The following SLCO2A1 variants were observed in gnomAD, a reference collection of about 807,000 sequenced individuals.
The protein encoded by SLCO2A1 is solute carrier organic anion transporter family member 2A1, also known as matrin F/G 1.
Under a neutral mutation model 71.7 loss-of-function variants are expected in SLCO2A1, and 60 were observed. The ratio of observed to expected loss-of-function variants is 0.84; its 90% confidence interval spans 0.68 to 1.04. The LOEUF (loss-of-function observed/expected upper bound fraction) is 1.04, where lower values mean the gene tolerates loss of function less well. Ranked by LOEUF, SLCO2A1 falls within the 50% of genes least tolerant of loss-of-function variation. The probability of loss-of-function intolerance (pLI) is 0.00; values close to 1 mark genes in which losing one functional copy is unlikely to be tolerated. For missense variants in SLCO2A1, 745 were observed against 813.4 expected (o/e 0.92, Z 1.02); for synonymous variants, 308 against 326.7 (o/e 0.94, Z 0.62).
intron 6 of SLCO2A1, chr3:133,950,919 C>A: frequency 4.9e-6 from 2 of 408,040 alleles, no homozygotes; most frequent in South Asian, 4.5e-5. Flanking sequence ...GCTCTTAATT[C>A]TTTAGCTCAA....
At chr3:134,023,078 C>T (rs1935622757) in intron 1 of SLCO2A1, among the ~76,000 whole-genome samples, 1 of 152,086 alleles carries the variant, frequency 6.6e-6, no homozygotes, top group South Asian at 2.1e-4. Flanking sequence ...TGGGAAGGAC[C>T]CTACCTTGTG....
chr3:133,938,602 T>C, intron 11 of SLCO2A1, 109 bp from the exon 12 acceptor site: 1 of 964,172 alleles, frequency 1.0e-6, no homozygotes. Context: ...TGATGTGGCC[T>C]GACGAGCCCT....
rs1174905765 is a variant in SLCO2A1, at chr3:133,950,277, C to T, written c.861+931G>A. On this transcript the variant is annotated intron_variant, in intron 6 of 13. Coordinates refer to ENST00000310926, the MANE Select transcript of SLCO2A1 (RefSeq NM_005630.3). ...AAGCTGAGGTCCTCCCACCCCTGCC[C>T]CTCTCCCCCCGGCTGGGCCTAGATT... Among the ~76,000 whole-genome samples the T allele has an allele frequency of 5.9e-5, 9 of 152,274 alleles. No individual in the cohort carries two copies. In the East Asian group the frequency reaches 1.5e-3, roughly 26 times the overall value.
At chr3:134,019,695 C>T (rs1935528982) in intron 1 of SLCO2A1, among the ~76,000 whole-genome samples, 1 of 152,116 alleles carries the variant, frequency 6.6e-6, no homozygotes, top group African/African-American at 2.4e-5. Flanking sequence ...TGCATCATCC[C>T]ATTAGCAGGT....
intron 3 of SLCO2A1, among the ~76,000 whole-genome samples, chr3:133,959,169 A>G (rs1214350626): frequency 2.0e-5 from 3 of 152,164 alleles, no homozygotes; most frequent in African/African-American, 7.2e-5. Context: ...ACCTGGACCC[A>G]GTTACATTCA....
chr3:133,952,812 A>C (rs1376635847), intron 5 of SLCO2A1, among the ~76,000 whole-genome samples: 2 of 152,228 alleles, frequency 1.3e-5, no homozygotes, highest in East Asian at 3.8e-4. Context: ...AGGCACAGAA[A>C]GACAAAGTTA....
chr3:133,945,484 C>A (rs1468990686), intron 9 of SLCO2A1, among the ~76,000 whole-genome samples: 1 of 152,144 alleles, frequency 6.6e-6, no homozygotes, highest in Non-Finnish European at 1.5e-5. Flanking sequence ...CCACTGGGAG[C>A]CCAAATCCAC....
intron 11 of SLCO2A1, 132 bp from the exon 12 acceptor site, chr3:133,938,625 T>C (rs1449800290): frequency 3.9e-6 from 3 of 768,764 alleles, no homozygotes; most frequent in Non-Finnish European, 6.9e-6. Flanking sequence ...GGTGACCGGG[T>C]TCACCTGGGC....
At chr3:133,988,799 G>A (rs1284715578) in intron 1 of SLCO2A1, among the ~76,000 whole-genome samples, 2 of 152,182 alleles carry the variant, frequency 1.3e-5, no homozygotes, top group Non-Finnish European at 2.9e-5. Flanking sequence ...TCTAGGCCGA[G>A]CTGACTGCAT....
At chr3:134,003,862 G>T (rs1161462919) in intron 1 of SLCO2A1, among the ~76,000 whole-genome samples, 1 of 152,160 alleles carries the variant, frequency 6.6e-6, no homozygotes, top group Non-Finnish European at 1.5e-5. Flanking sequence ...GATAATTTGG[G>T]TGGGCCAGAC....
At chr3:133,979,785 T>C (rs1934545273) in intron 1 of SLCO2A1, among the ~76,000 whole-genome samples, 167 bp from the exon 2 acceptor site, 1 of 152,132 alleles carries the variant, frequency 6.6e-6, no homozygotes, top group Non-Finnish European at 1.5e-5. Context: ...TGCAACATTG[T>C]GTTGCACCCT....
At position 133,942,625 on chromosome 3, in the gene SLCO2A1, G is replaced by T; in HGVS notation, c.1605C>A (p.Pro535=). 1 of 1,613,410 alleles carries T rather than the reference G, an allele frequency of 6.2e-7. No individual in the cohort carries two copies. Among genetic ancestry groups the T allele is most frequent in the South Asian group, 1.1e-5 (1 of 90,926 alleles). Reference sequence around the variant, plus strand: ...CTCACCGCAGAACCATCATGTAGAGGGGGTTGTGGGAGATGCAGGCTATCA... The same window carrying T: ...CTCACCGCAGAACCATCATGTAGAGTGGGTTGTGGGAGATGCAGGCTATCA... ...VSLIACISHN[P]LYMMVLRVVN... is the part of the protein sequence containing the mutation. The change falls in exon 11 of 14, where the codon CCC becomes CCA. Residue 535 remains proline (P), a synonymous_variant. Transcript: ENST00000310926.
chr3:134,025,464 A>G (rs1174159307), intron 1 of SLCO2A1, among the ~76,000 whole-genome samples: 1 of 152,110 alleles, frequency 6.6e-6, no homozygotes, highest in East Asian at 1.9e-4. Context: ...AAAACAGAAG[A>G]AAAAGGGGTG....
chr3:133,941,174 G>A (rs1019503730), intron 11 of SLCO2A1, among the ~76,000 whole-genome samples: 1 of 152,054 alleles, frequency 6.6e-6, no homozygotes, highest in Non-Finnish European at 1.5e-5. Flanking sequence ...TTATAAATAG[G>A]GTAAAATCCC....
chr3:133,973,593 T>C (rs1320531469), intron 3 of SLCO2A1, 70 bp downstream of exon 3: 2 of 1,530,366 alleles, frequency 1.3e-6, no homozygotes, highest in Non-Finnish European at 9.0e-7. Context: ...GCCCTAGGAG[T>C]ATCCCCACTA....
chr3:133,943,312 C>T (rs1275274866), intron 10 of SLCO2A1, among the ~76,000 whole-genome samples: 1 of 152,182 alleles, frequency 6.6e-6, no homozygotes, highest in Non-Finnish European at 1.5e-5. Flanking sequence ...TCTGCAAGTC[C>T]ATATGGCTCA....
intron 11 of SLCO2A1, 129 bp from the exon 12 acceptor site, chr3:133,938,622 G>A (rs1046021612): frequency 1.2e-5 from 9 of 766,836 alleles, no homozygotes; most frequent in African/African-American, 3.4e-5. Flanking sequence ...TCTGGTGACC[G>A]GGTTCACCTG....
intron 3 of SLCO2A1, among the ~76,000 whole-genome samples, chr3:133,967,250 G>A (rs539420739): frequency 4.6e-5 from 7 of 152,220 alleles, no homozygotes; most frequent in African/African-American, 1.2e-4. Flanking sequence ...TGCTAGAGAC[G>A]CAGAACAAGG....
chr3:134,016,175 T>C (rs1344931820), intron 1 of SLCO2A1, among the ~76,000 whole-genome samples: 1 of 151,976 alleles, frequency 6.6e-6, no homozygotes, highest in Non-Finnish European at 1.5e-5. Flanking sequence ...AAATTGAAAA[T>C]TGATAAATTA....
Sources: gnomAD v4.1 joint callset for allele counts (sites outside exome capture counted in the v4.1 genomes callset) on GRCh38, gnomAD v4.1.1 for gene constraint, MANE v1.5 for transcripts, NCBI Gene and HGNC (gene_info 2026-07-23, HGNC 2026-07-21) for gene names.